Variants in RNF38 observed in about 807,000 individuals in gnomAD.
RNF38 encodes E3 ubiquitin-protein ligase RNF38.
RNF38 carries 15 observed loss-of-function variants against 67.2 expected under a neutral mutation model. The observed-to-expected ratio is 0.22, with a 90% CI of 0.15 to 0.34. The LOEUF (loss-of-function observed/expected upper bound fraction) is 0.34, where lower values mean the gene tolerates loss of function less well. RNF38 is among the 10% of genes least tolerant of loss of function. The probability of loss-of-function intolerance (pLI) is 1.00; values close to 1 mark genes in which losing one functional copy is unlikely to be tolerated. For missense variants in RNF38, 524 were observed against 639.9 expected (o/e 0.82, Z 1.95); for synonymous variants, 220 against 218.8 (o/e 1.01, Z -0.05).
At chr9:36,361,814 T>A (rs1339766925) in intron 4 of RNF38, among the ~76,000 whole-genome samples, 1 of 152,118 alleles carries the variant, frequency 6.6e-6, no homozygotes, top group African/African-American at 2.4e-5. Context: ...AGGGGTGTAA[T>A]TATATAGAGC....
intron 1 of RNF38, among the ~76,000 whole-genome samples, chr9:36,431,421 C>T (rs943729351): frequency 6.6e-6 from 1 of 152,118 alleles, no homozygotes; most frequent in Non-Finnish European, 1.5e-5. Context: ...AGAAAAGGTA[C>T]AGTAAAAATA....
chr9:36,441,869 T>C (rs1355455722), intron 1 of RNF38, among the ~76,000 whole-genome samples: 1 of 152,204 alleles, frequency 6.6e-6, no homozygotes, highest in Non-Finnish European at 1.5e-5. Context: ...GAATGACAAC[T>C]TCTAAGAAAG....
At chr9:36,453,951 GA>G (rs2134346666) in intron 1 of RNF38, among the ~76,000 whole-genome samples, 1 of 152,302 alleles carries the variant, frequency 6.6e-6, no homozygotes, top group East Asian at 1.9e-4. Flanking sequence ...AAGTAGGGAT[GA>G]GGGGAGAAGG....
intron 3 of RNF38, among the ~76,000 whole-genome samples, chr9:36,374,836 T>A (rs908861358): frequency 6.6e-5 from 10 of 152,188 alleles, no homozygotes; most frequent in African/African-American, 2.4e-4. Flanking sequence ...TATGACCTCA[T>A]TTAACGTTAA....
Position 36,453,775 on chromosome 9 carries a change from G to A in RNF38, n.242-29092C>T, listed in dbSNP as rs146573472. Among the ~76,000 whole-genome samples the A allele has an allele frequency of 2.8e-4, 42 of 152,150 alleles. No individual in the cohort carries two copies. In the East Asian group the frequency reaches 6.0e-3, roughly 22 times the overall value. On this transcript the variant is annotated intron_variant and non_coding_transcript_variant, in intron 1 of 3. Coordinates refer to the RNF38 transcript ENST00000488058. The stretch of plus-strand genomic sequence containing the variant: ...ACTCCTACTTTCAAGCAATCCTCCC[G>A]CCTCAGTTATACACAAAATAACTGA...
rs369079603 is a variant in RNF38, at chr9:36,341,227, G to A, written c.1485+1098C>T. ...AACTATCAGCCACACGGAACTTGTG[G>A]TTTTCTGATTCTCTGTCCGCACGTG... On this transcript the variant is annotated intron_variant, in intron 11 of 11. Coordinates refer to ENST00000259605, the MANE Select transcript of RNF38 (RefSeq NM_022781.5). 1.3e-3 allele frequency among the ~76,000 whole-genome samples: 196 copies of A among 152,164 alleles called. 2 individuals carry two copies. In the South Asian group the frequency reaches 0.038, roughly 29 times the overall value.
intron 1 of RNF38, among the ~76,000 whole-genome samples, chr9:36,396,797 ATC>A (rs1475125336): frequency 6.6e-6 from 1 of 151,992 alleles, no homozygotes; most frequent in Admixed American, 6.6e-5. Flanking sequence ...AAAAAAAAAA[ATC>A]GAGAGCCTGG....
At chr9:36,421,360 A>G (rs1018173215) in intron 2 of RNF38, among the ~76,000 whole-genome samples, 2 of 151,440 alleles carry the variant, frequency 1.3e-5, no homozygotes, top group African/African-American at 4.8e-5. Flanking sequence ...TCCCAAGTTT[A>G]TTTTTTTTTA....
chr9:36,357,861 T>A lies in RNF38; in HGVS notation c.652A>T (p.Ile218Phe). ...HGIPLCTGQH[I>F]PACSTQQVPG... Reference sequence around the variant, plus strand: ...ACCTGCTGTGTACTACAAGCAGGGATGTGCTGGCCTGTGCAGAGTGGAATC... The same window carrying A: ...ACCTGCTGTGTACTACAAGCAGGGAAGTGCTGGCCTGTGCAGAGTGGAATC... Residue 218 changes from isoleucine to phenylalanine, a missense_variant, in exon 5 of 12, where the codon ATC becomes TTC. Ile to Phe is a conservative substitution (Grantham distance 21). Coordinates refer to ENST00000259605, the MANE Select transcript of RNF38 (RefSeq NM_022781.5). 6.2e-7 allele frequency: 1 copy of A among 1,613,984 alleles called. No individual in the cohort carries two copies.
chr9:36,470,238 T>C (rs1271240817), intron 1 of RNF38, among the ~76,000 whole-genome samples: 1 of 152,140 alleles, frequency 6.6e-6, no homozygotes, highest in Non-Finnish European at 1.5e-5. Context: ...TACTCAAAAC[T>C]TTCTTCACCA....
chr9:36,441,700 C>A (rs999740363), intron 1 of RNF38, among the ~76,000 whole-genome samples: 3 of 138,582 alleles, frequency 2.2e-5, no homozygotes, highest in African/African-American at 8.5e-5. Context: ...GTCTAAGATG[C>A]GTTCATATAC....
At chr9:36,437,264 C>T (rs989868211) in intron 1 of RNF38, among the ~76,000 whole-genome samples, 1 of 152,218 alleles carries the variant, frequency 6.6e-6, no homozygotes, top group African/African-American at 2.4e-5. Flanking sequence ...TTTGTCTCAA[C>T]ATATCTTACA....
chr9:36,432,433 TA>T (rs1213606196), intron 1 of RNF38, among the ~76,000 whole-genome samples: 1 of 151,884 alleles, frequency 6.6e-6, no homozygotes, highest in African/African-American at 2.4e-5. Context: ...CGCGCCTAGC[TA>T]AATATTAACT....
At chr9:36,466,235 G>C (rs965788099) in intron 1 of RNF38, among the ~76,000 whole-genome samples, 3 of 152,174 alleles carry the variant, frequency 2.0e-5, no homozygotes, top group African/African-American at 7.2e-5. Flanking sequence ...GATAGCTGTT[G>C]CCTAGGACTG....
At chr9:36,379,668 A>G (rs565872042) in intron 2 of RNF38, among the ~76,000 whole-genome samples, 1 of 152,354 alleles carries the variant, frequency 6.6e-6, no homozygotes, top group South Asian at 2.1e-4. Flanking sequence ...GAGTACAATG[A>G]AATGAAATTC....
chr9:36,344,734 T>A, intron 10 of RNF38, 98 bp downstream of exon 10: 1 of 1,214,982 alleles, frequency 8.2e-7, no homozygotes, highest in Non-Finnish European at 1.2e-6. Flanking sequence ...TTCAATTTTT[T>A]ATTTCCTCTC....
intron 1 of RNF38, among the ~76,000 whole-genome samples, chr9:36,425,699 AAAAATG>A (rs1325243108): frequency 6.6e-6 from 1 of 152,234 alleles, no homozygotes; most frequent in Non-Finnish European, 1.5e-5. Context: ...TGTTTCAAAA[AAAAATG>A]AAAATGAAAA....
In RNF38 at chr9:36,369,830, T is replaced by G; in HGVS notation, c.459A>C (p.Gln153His). The change falls in exon 4 of 12, where the codon CAA (glutamine) becomes CAC (histidine). Residue 153 changes from glutamine to histidine, a missense_variant. This residue lies in a region of RNF38 where 461 missense variants were observed against 517.4 expected (regional missense o/e 0.89). Transcript: ENST00000259605. ...GGAAGGCTCGAGGCTCCTCTATTGC[T>G]TGCTGCTGTGCGTAAGGGAGATGGT... ...NYHHLPYAQQ[Q>H]AIEEPRAFHP... 6.2e-7 allele frequency: 1 copy of G among 1,613,962 alleles called. No homozygotes were observed.
At chr9:36,369,511 T>C (rs1236258900) in intron 4 of RNF38, among the ~76,000 whole-genome samples, 2 of 152,176 alleles carry the variant, frequency 1.3e-5, no homozygotes, top group African/African-American at 2.4e-5. Flanking sequence ...GCCACCGTGC[T>C]GGGCCGATAC....
Sources: allele counts gnomAD v4.1 joint callset (sites outside exome capture counted in the v4.1 genomes callset), GRCh38; gene constraint gnomAD v4.1.1; regional missense constraint gnomAD v4.1.1; transcripts MANE v1.5; gene names NCBI Gene and HGNC (gene_info 2026-07-23, HGNC 2026-07-21).